The following SLC22A15 variants were observed in gnomAD, a reference collection of about 807,000 sequenced individuals.
The protein encoded by SLC22A15 is solute carrier family 22 member 15, also known as flipt 1.
Under a neutral mutation model 62.7 loss-of-function variants are expected in SLC22A15, and 45 were observed. The observed-to-expected ratio is 0.72, with a 90% confidence interval of 0.56 to 0.92. The LOEUF is 0.92. Ranked by LOEUF, SLC22A15 falls within the 40% of genes least tolerant of loss-of-function variation. The pLI, the probability that SLC22A15 is intolerant of heterozygous loss-of-function variation, is 0.00. For missense variants in SLC22A15, 622 were observed against 665.6 expected, an observed-to-expected ratio of 0.93 and a Z score of 0.72; for synonymous variants, 264 against 267.0, an observed-to-expected ratio of 0.99 and a Z score of 0.11.
At chr1:116,062,337 C>T (rs1658404837) in intron 8 of SLC22A15, among the ~76,000 whole-genome samples, 1 of 152,152 alleles carries the variant, frequency 6.6e-6, no homozygotes, top group African/African-American at 2.4e-5. Context: ...TGGAGCTTAC[C>T]TCTGTCTCAT....
At chr1:116,037,113 C>A (rs560716906) in intron 7 of SLC22A15, among the ~76,000 whole-genome samples, 190 bp from the exon 8 acceptor site, 1 of 152,286 alleles carries the variant, frequency 6.6e-6, no homozygotes. Context: ...CAGCAACTTT[C>A]CCTTTGTTTT....
chr1:115,999,823 T>C (rs974710033), intron 2 of SLC22A15, among the ~76,000 whole-genome samples: 1 of 152,164 alleles, frequency 6.6e-6, no homozygotes, highest in African/African-American at 2.4e-5. Flanking sequence ...AATTCTTATA[T>C]CCACTTGCTG....
chr1:116,028,753 A>T (rs1657232065), intron 5 of SLC22A15, among the ~76,000 whole-genome samples: 1 of 152,096 alleles, frequency 6.6e-6, no homozygotes, highest in Non-Finnish European at 1.5e-5. Context: ...TCCTATGTTC[A>T]GGCACACTGC....
intron 5 of SLC22A15, among the ~76,000 whole-genome samples, chr1:116,028,697 T>G (rs1477677532): frequency 6.6e-6 from 1 of 152,150 alleles, no homozygotes; most frequent in East Asian, 1.9e-4. Flanking sequence ...GCCTGGAATG[T>G]AAGGCTTCCC....
intron 10 of SLC22A15, 51 bp from the exon 11 acceptor site, chr1:116,066,469 T>C (rs1441483544): frequency 4.0e-6 from 6 of 1,488,920 alleles, no homozygotes; most frequent in East Asian, 2.5e-5. Context: ...TATTACATGC[T>C]AAGGAAACTA....
chr1:115,976,571 G>A lies in SLC22A15; in HGVS notation c.-57G>A, dbSNP rs1227601376. On this transcript the variant is annotated 5_prime_UTR_variant, in exon 1 of 12. Coordinates refer to ENST00000369503, the MANE Select transcript of SLC22A15 (RefSeq NM_018420.3). ...GCGCCCAGGGGTTGCCGCGCTGGGC[G>A]GGAGGGCAGCGCCTGAGAGGGCGGT... 14 of 1,370,456 alleles carry A rather than the reference G, an allele frequency of 1.0e-5. No homozygotes were observed. In the South Asian group the frequency reaches 1.2e-4, roughly 12 times the overall value. 84.9% of individuals were successfully genotyped at this position (1,370,456 alleles called of 1,614,324 possible).
At chr1:116,054,071 A>C (rs970024467) in intron 8 of SLC22A15, among the ~76,000 whole-genome samples, 1 of 152,006 alleles carries the variant, frequency 6.6e-6, no homozygotes, top group African/African-American at 2.4e-5. Context: ...CTTTAAATGT[A>C]AATGGACTAA....
At chr1:116,052,537 G>A (rs1658088776) in intron 8 of SLC22A15, among the ~76,000 whole-genome samples, 2 of 152,214 alleles carry the variant, frequency 1.3e-5, no homozygotes, top group Admixed American at 1.3e-4. Flanking sequence ...TTTGAAGAGA[G>A]CTTTGAGGAG....
At chr1:116,006,553 G>A (rs1037605348) in intron 2 of SLC22A15, among the ~76,000 whole-genome samples, 29 of 152,234 alleles carry the variant, frequency 1.9e-4, no homozygotes, top group Admixed American at 1.5e-3. Context: ...TAGTAGCTAC[G>A]TCTTTTCCTT....
At chr1:116,019,445 G>C (rs1656706703) in intron 2 of SLC22A15, 137 bp from the exon 3 acceptor site, 2 of 823,104 alleles carry the variant, frequency 2.4e-6, no homozygotes, top group Non-Finnish European at 3.7e-6. Context: ...GTCTGAGATA[G>C]ACAAATTCTA....
intron 1 of SLC22A15, among the ~76,000 whole-genome samples, chr1:115,986,610 A>G (rs1006319448): frequency 2.0e-5 from 3 of 152,322 alleles, no homozygotes; most frequent in South Asian, 2.1e-4. Context: ...TAAAACTGGA[A>G]TAAGTGTGGA....
intron 2 of SLC22A15, among the ~76,000 whole-genome samples, chr1:115,994,461 A>C (rs1282638552): frequency 6.6e-6 from 1 of 152,220 alleles, no homozygotes; most frequent in African/African-American, 2.4e-5. Flanking sequence ...TGTGCTTTTT[A>C]GGAATATATC....
rs1657624140 is a variant in SLC22A15, at chr1:116,036,220, A to C, written c.1085+893A>C. On this transcript the variant is annotated intron_variant, in intron 7 of 11. Coordinates refer to ENST00000369503, the MANE Select transcript of SLC22A15 (RefSeq NM_018420.3). Reference sequence around the variant, plus strand: ...ATTGTATTCAGAAATCTTTCCCAGCACCCCCAGTTGTGCCAGATGCCTTTC... The same window carrying C: ...ATTGTATTCAGAAATCTTTCCCAGCCCCCCCAGTTGTGCCAGATGCCTTTC... Among the ~76,000 whole-genome samples, 3 of 151,922 alleles carry C rather than the reference A, an allele frequency of 2.0e-5. No individual in the cohort carries two copies. The South Asian group carries it at 6.2e-4, about 32-fold the overall frequency.
chr1:116,056,138 A>G (rs1312597619), intron 8 of SLC22A15, among the ~76,000 whole-genome samples: 1 of 151,880 alleles, frequency 6.6e-6, no homozygotes, highest in Non-Finnish European at 1.5e-5. Context: ...AGATGACATG[A>G]TTGTATATCT....
At chr1:116,045,806 G>A (rs571511494) in intron 8 of SLC22A15, among the ~76,000 whole-genome samples, 2 of 150,304 alleles carry the variant, frequency 1.3e-5, no homozygotes, top group South Asian at 4.2e-4. Context: ...ATTGGCATAG[G>A]AATGTCTCTA....
chr1:116,018,676 G>A (rs761510598), intron 2 of SLC22A15, among the ~76,000 whole-genome samples: 1 of 151,954 alleles, frequency 6.6e-6, no homozygotes, highest in Non-Finnish European at 1.5e-5. Context: ...GGGCTACATG[G>A]TGATGTTTTA....
intron 8 of SLC22A15, among the ~76,000 whole-genome samples, chr1:116,052,201 G>A (rs1339237003): frequency 1.3e-5 from 2 of 152,320 alleles, no homozygotes; most frequent in East Asian, 1.9e-4. Context: ...ACTCCCACCC[G>A]AATACTGTGC....
At chr1:115,988,541 G>A (rs967613909) in intron 1 of SLC22A15, among the ~76,000 whole-genome samples, 1 of 151,882 alleles carries the variant, frequency 6.6e-6, no homozygotes, top group Non-Finnish European at 1.5e-5. Flanking sequence ...CTATTTTTTG[G>A]GGGGGGACTC....
At chr1:116,005,591 C>G (rs1277565600) in intron 2 of SLC22A15, among the ~76,000 whole-genome samples, 1 of 152,122 alleles carries the variant, frequency 6.6e-6, no homozygotes, top group East Asian at 1.9e-4. Flanking sequence ...GCTCTTTAGT[C>G]TCCTAGATGT....
Sources: gnomAD v4.1 joint callset for allele counts (sites outside exome capture counted in the v4.1 genomes callset) on GRCh38, gnomAD v4.1.1 for gene constraint, MANE v1.5 for transcripts, NCBI Gene and HGNC (gene_info 2026-07-23, HGNC 2026-07-21) for gene names.